Variants in SYT6 observed in about 807,000 individuals in gnomAD.
SYT6 encodes the protein synaptotagmin-6.
A neutral mutation model predicts 38.4 loss-of-function variants in SYT6; 24 were observed. That is an observed-to-expected ratio of 0.62 (90% confidence interval 0.45 to 0.88). The LOEUF (loss-of-function observed/expected upper bound fraction) is 0.88, where lower values mean the gene tolerates loss of function less well. Ranked by LOEUF, SYT6 falls within the 40% of genes least tolerant of loss-of-function variation. SYT6 has a pLI of 0.00. For missense variants in SYT6, 611 were observed against 621.0 expected, an observed-to-expected ratio of 0.98 and a Z score of 0.17; for synonymous variants, 265 against 241.9, an observed-to-expected ratio of 1.10 and a Z score of -0.89.
chr1:114,112,739 T>C (rs183728536), intron 3 of SYT6, among the ~76,000 whole-genome samples: 74 of 152,230 alleles, frequency 4.9e-4, no homozygotes, highest in African/African-American at 1.7e-3. Flanking sequence ...ACAGGGGTGG[T>C]GGGGGTAGTA....
chr1:114,106,695 C>G (rs1676334154), intron 3 of SYT6, among the ~76,000 whole-genome samples: 1 of 152,042 alleles, frequency 6.6e-6, no homozygotes, highest in Admixed American at 6.5e-5. Flanking sequence ...TACTCCTATA[C>G]CTACATCATG....
intron 1 of SYT6, among the ~76,000 whole-genome samples, chr1:114,145,998 G>T (rs186756588): frequency 5.9e-5 from 9 of 152,290 alleles, no homozygotes; most frequent in Non-Finnish European, 1.0e-4. Context: ...GATTAGGGGA[G>T]GCAGAGGGCA....
At chr1:114,128,962 T>A (rs1455891987) in intron 3 of SYT6, among the ~76,000 whole-genome samples, 1 of 152,204 alleles carries the variant, frequency 6.6e-6, no homozygotes, top group Non-Finnish European at 1.5e-5. Context: ...AGCCAAGACC[T>A]CACTCCTGGA....
intron 3 of SYT6, among the ~76,000 whole-genome samples, chr1:114,111,658 C>T (rs1676684675): frequency 1.0e-5 from 1 of 99,890 alleles, no homozygotes. Context: ...GTTGTGCTCC[C>T]ATTGCCCTTG....
chr1:114,143,055 A>G (rs1053401482), intron 1 of SYT6, among the ~76,000 whole-genome samples: 1 of 151,288 alleles, frequency 6.6e-6, no homozygotes, highest in African/African-American at 2.4e-5. Context: ...TATGAATAGG[A>G]TTCACCATTC....
At position 114,099,249 on chromosome 1, in the gene SYT6, C is replaced by A; in HGVS notation, c.1209G>T (p.Val403=). 6.2e-7 allele frequency: 1 copy of A among 1,612,906 alleles called. No individual in the cohort carries two copies. Among genetic ancestry groups the A allele is most frequent in the South Asian group, 1.1e-5 (1 of 90,840 alleles). Residue 403 remains valine (V), a synonymous_variant, in exon 5 of 8, where the codon GTG becomes GTT. Coordinates refer to ENST00000610222, the MANE Select transcript of SYT6 (RefSeq NM_001253772.2). ...ITGYSDPYVK[V]SLLCDGRRLK... is the part of the protein sequence containing the mutation. Reference sequence around the variant, plus strand: ...GCCTCCGCCCATCACAGAGCAAGGACACTTTCACATAGGGATCTGTGCCAA... The same window carrying A: ...GCCTCCGCCCATCACAGAGCAAGGAAACTTTCACATAGGGATCTGTGCCAA...
intron 3 of SYT6, among the ~76,000 whole-genome samples, chr1:114,136,676 G>T (rs1210610310): frequency 6.6e-6 from 1 of 152,182 alleles, no homozygotes; most frequent in African/African-American, 2.4e-5. Context: ...AAACAGCCCA[G>T]CACCCACCTC....
chr1:114,149,580 G>C (rs1376875847), intron 1 of SYT6, among the ~76,000 whole-genome samples: 2 of 152,118 alleles, frequency 1.3e-5, no homozygotes, highest in African/African-American at 4.8e-5. Flanking sequence ...CTAAATCGGA[G>C]ACTAATGTGG....
intron 5 of SYT6, among the ~76,000 whole-genome samples, chr1:114,098,719 G>T (rs1675791965): frequency 6.6e-6 from 1 of 152,214 alleles, no homozygotes; most frequent in South Asian, 2.1e-4. Flanking sequence ...CAGCTAGGAG[G>T]CTGCACAGCC....
chr1:114,099,186 G>A lies in SYT6; in HGVS notation c.1272C>T (p.Leu424=), dbSNP rs1675821949. Reference sequence around the variant, plus strand: ...TGATGGCCTCATTGTAGACAGGATTGAGAGTGTTTTTCTTTATGGTTGTTT... The same window carrying A: ...TGATGGCCTCATTGTAGACAGGATTAAGAGTGTTTTTCTTTATGGTTGTTT... ...KKKTTIKKNT[L]NPVYNEAIIF... Residue 424 remains leucine (L), a synonymous_variant, in exon 5 of 8, where the codon CTC becomes CTT. Transcript: ENST00000610222. 3 of 1,614,052 alleles carry A rather than the reference G, an allele frequency of 1.9e-6. No individual in the cohort carries two copies. Among genetic ancestry groups the A allele is most frequent in the Admixed American group, 1.7e-5 (1 of 60,004 alleles).
chr1:114,122,913 T>C (rs1412166781), intron 3 of SYT6, among the ~76,000 whole-genome samples: 2 of 152,122 alleles, frequency 1.3e-5, no homozygotes, highest in South Asian at 2.1e-4. Context: ...CCTAATCCCC[T>C]ACTTTCAAAA....
chr1:114,135,039 G>A (rs1043124041), intron 3 of SYT6, among the ~76,000 whole-genome samples: 1 of 152,058 alleles, frequency 6.6e-6, no homozygotes, highest in African/African-American at 2.4e-5. Context: ...GCCTGCTCCT[G>A]AGAACTCTAC....
rs547661275 is a variant in SYT6, at chr1:114,132,080, G to A, written c.1071+5415C>T. On this transcript the variant is annotated intron_variant, in intron 3 of 7. Coordinates refer to ENST00000610222, the MANE Select transcript of SYT6 (RefSeq NM_001253772.2). ...GTAAGTCACCTAACCTCAAACCTTCGTTTGTTTATTTACATATGGGGGATG... is the reference window on the plus strand; with the variant it reads ...GTAAGTCACCTAACCTCAAACCTTCATTTGTTTATTTACATATGGGGGATG... Among the ~76,000 whole-genome samples the A allele has an allele frequency of 1.4e-4, 21 of 152,250 alleles. No homozygotes were observed. In the East Asian group the frequency reaches 3.3e-3, roughly 24 times the overall value.
chr1:114,098,971 A>G (rs1318763655), intron 5 of SYT6, 123 bp downstream of exon 5: 1 of 946,528 alleles, frequency 1.1e-6, no homozygotes, highest in East Asian at 2.6e-5. Flanking sequence ...GGGTACAGAT[A>G]GATTTGAGGC....
chr1:114,104,176 G>C (rs776176871), intron 3 of SYT6, among the ~76,000 whole-genome samples: 8 of 152,212 alleles, frequency 5.3e-5, no homozygotes, highest in Non-Finnish European at 1.2e-4. Flanking sequence ...GACTTCAGCT[G>C]TCCCCTCTCC....
chr1:114,101,163 C>T (rs1047142085), intron 4 of SYT6, among the ~76,000 whole-genome samples: 7 of 152,142 alleles, frequency 4.6e-5, no homozygotes, highest in Non-Finnish European at 8.8e-5. Context: ...GCTGGGATTA[C>T]AGGCATGAGC....
intron 3 of SYT6, among the ~76,000 whole-genome samples, chr1:114,127,151 C>T (rs1315166263): frequency 6.6e-6 from 1 of 152,172 alleles, no homozygotes; most frequent in Non-Finnish European, 1.5e-5. Context: ...ACCTTTAGCC[C>T]CCTGGAGCCA....
chr1:114,140,633 T>C (rs758942488), intron 1 of SYT6, among the ~76,000 whole-genome samples: 4 of 132,374 alleles, frequency 3.0e-5, no homozygotes, highest in Non-Finnish European at 6.8e-5. Flanking sequence ...CAATAAATAC[T>C]TCTATTAAGT....
At chr1:114,108,913 A>C (rs1348198914) in intron 3 of SYT6, among the ~76,000 whole-genome samples, 6 of 152,236 alleles carry the variant, frequency 3.9e-5, no homozygotes, top group Non-Finnish European at 8.8e-5. Flanking sequence ...GCAGAGAAGC[A>C]TCCGCTATAC....
Sources: gnomAD v4.1 joint callset for allele counts (sites outside exome capture counted in the v4.1 genomes callset) on GRCh38, gnomAD v4.1.1 for gene constraint, MANE v1.5 for transcripts, NCBI Gene and HGNC (gene_info 2026-07-23, HGNC 2026-07-21) for gene names.